Variants in RRP8 observed in about 807,000 individuals in gnomAD.
RRP8 encodes the protein ribosomal RNA processing 8, also known as ribosomal RNA-processing protein 8.
Under a neutral mutation model 45.0 loss-of-function variants are expected in RRP8, and 48 were observed. The ratio of observed to expected loss-of-function variants is 1.07; its 90% confidence interval spans 0.85 to 1.36. The LOEUF is 1.36. Ranked by LOEUF, RRP8 falls within the 40% of genes most tolerant of loss-of-function variation. The pLI, the probability that RRP8 is intolerant of heterozygous loss-of-function variation, is 0.00. For synonymous variants in RRP8, 274 were observed against 212.4 expected (o/e 1.29, Z -2.52); for missense variants, 658 against 573.7 (o/e 1.15, Z -1.50).
Position 6,603,554 on chromosome 11 carries a change from G to A in RRP8, c.-52C>T. 3 of 1,228,302 alleles carry A rather than the reference G, an allele frequency of 2.4e-6. No individual in the cohort carries two copies. The highest frequency in any genetic ancestry group is 2.3e-6 in the Non-Finnish European group (2 of 880,736). The allele number at this position is 1,228,302 out of a possible 1,614,324, so 76.1% of individuals were successfully genotyped here. On this transcript the variant is annotated 5_prime_UTR_variant, in exon 1 of 7. Transcript: ENST00000254605. ...GTCCCCGCTCTTCTCCACGTGCACA[G>A]CGCTCCTCTGGAAGTCGGAGCGCTC...
At position 6,601,256 on chromosome 11, in the gene RRP8, G is replaced by A. The variant is rs1854347147; in HGVS notation, c.810C>T (p.Phe270=). ...SGPSSAAQRL[F]QEDPEAFLLY... ...GAAGAAAAGCCTCAGGGTCTTCCTG[G>A]AAGAGACGCTGTGCAGCACTGCTGG... The change falls in exon 3 of 7, where the codon TTC becomes TTT. Residue 270 remains phenylalanine, a synonymous_variant. Coordinates refer to ENST00000254605, the MANE Select transcript of RRP8 (RefSeq NM_015324.4). 1.2e-6 allele frequency: 2 copies of A among 1,611,550 alleles called. No individual in the cohort carries two copies. Among genetic ancestry groups the A allele is most frequent in the Non-Finnish European group, 1.7e-6 (2 of 1,178,834 alleles).
Position 6,600,193 on chromosome 11 carries a change from G to A in RRP8, c.1324C>T (p.Gln442Ter), listed in dbSNP as rs1229517975. ...TGPPLVGPKA[Q>*]LSGLQLQPCL... Reference sequence around the variant, plus strand: ...GGCTGAAGCTGCAGGCCTGAAAGCTGAGCCTTGGGCCCTACCAGAGGGGGC... The same window carrying A: ...GGCTGAAGCTGCAGGCCTGAAAGCTAAGCCTTGGGCCCTACCAGAGGGGGC... The change falls in exon 7 of 7, where the codon CAG (glutamine) becomes TAG (stop). Residue 442 changes from glutamine (Q) to a stop codon, truncating the protein, a stop_gained. Coordinates refer to ENST00000254605, the MANE Select transcript of RRP8 (RefSeq NM_015324.4). LOFTEE classifies it high-confidence loss of function. 6.2e-7 allele frequency: 1 copy of A among 1,605,498 alleles called. No homozygotes were observed. The highest frequency in any genetic ancestry group is 1.1e-5 in the South Asian group (1 of 89,730).
In RRP8 at chr11:6,600,670, C is replaced by T. The variant is rs1009742968; in HGVS notation, c.1153G>A (p.Gly385Arg). 1.9e-6 allele frequency: 3 copies of T among 1,613,792 alleles called. No individual in the cohort carries two copies. Among genetic ancestry groups the T allele is most frequent in the African/African-American group, 2.7e-5 (2 of 74,922 alleles). The change falls in exon 5 of 7, where the codon GGG (glycine) becomes AGG (arginine). Residue 385 changes from glycine (G) to arginine (R), a missense_variant and splice_region_variant. Transcript: ENST00000254605. ...CATCTGTGTCCTGGGGGCTCTTACC[C>T]TGGCTTCAGTACTCTATTTGCCTCC... ...LEEANRVLKPGGLLKVAEVSS... is the reference protein window; with the variant it reads ...LEEANRVLKPRGLLKVAEVSS...
rs750208056 is a variant in RRP8, at chr11:6,601,017, T to C, written c.956A>G (p.Asp319Gly). ...CCGGATACTTGAAGCCAAGCGGCAA[T>C]CCCCACAGCCGAAGTCAGCCACCAC... is the stretch of plus-strand genomic sequence containing the variant. Reference protein sequence around the residue: ...SLVVADFGCGDCRLASSIRNP... With the variant: ...SLVVADFGCGGCRLASSIRNP... Residue 319 changes from aspartate to glycine, a missense_variant, in exon 4 of 7, where the codon GAT becomes GGT. Coordinates refer to ENST00000254605, the MANE Select transcript of RRP8 (RefSeq NM_015324.4). 6.2e-7 allele frequency: 1 copy of C among 1,614,042 alleles called. No homozygotes were observed. The highest frequency in any genetic ancestry group is 2.2e-5 in the East Asian group (1 of 44,872).
At position 6,603,421 on chromosome 11, in the gene RRP8, C is replaced by A; in HGVS notation, c.82G>T (p.Ala28Ser). 1.2e-6 allele frequency: 2 copies of A among 1,603,738 alleles called. No homozygotes were observed. Among genetic ancestry groups the A allele is most frequent in the East Asian group, 2.2e-5 (1 of 44,466 alleles). ...GPVISRPPPA[A>S]SSQNKGSKRR... ...TCACTCACCTTGTTTTGCGAGGAGG[C>A]CGCAGGCGGAGGTCGTGAGATTACG... Residue 28 changes from alanine to serine, a missense_variant, in exon 1 of 7, where the codon GCC becomes TCC. Ala to Ser is a moderately conservative substitution (Grantham distance 99). Coordinates refer to ENST00000254605, the MANE Select transcript of RRP8 (RefSeq NM_015324.4).
chr11:6,602,974 C>T (rs1284804770), intron 1 of RRP8, among the ~76,000 whole-genome samples: 2 of 152,226 alleles, frequency 1.3e-5, no homozygotes, highest in Non-Finnish European at 2.9e-5. Flanking sequence ...CTGTAACCGA[C>T]GACCCTTTCA....
chr11:6,602,214 C>T lies in RRP8; in HGVS notation c.101G>A (p.Gly34Asp), dbSNP rs142424203. Residue 34 changes from glycine (G) to aspartate (D), a missense_variant and splice_region_variant, in exon 2 of 7, where the codon GGC (glycine) becomes GAC (aspartate). By Grantham distance (94) the Gly-to-Asp change is moderately conservative. Coordinates refer to ENST00000254605, the MANE Select transcript of RRP8 (RefSeq NM_015324.4). ...GGCCAAGAGCTGGCGGCGCTTGGAGCCCTGGAGGAAAACAGGGGATGACAG... is the reference window on the plus strand; with the variant it reads ...GGCCAAGAGCTGGCGGCGCTTGGAGTCCTGGAGGAAAACAGGGGATGACAG... ...PPPAASSQNKGSKRRQLLATL... is the reference protein window; with the variant it reads ...PPPAASSQNKDSKRRQLLATL... The T allele has an allele frequency of 1.4e-5, 21 of 1,544,968 alleles. No homozygotes were observed. The highest frequency in any genetic ancestry group is 1.7e-5 in the Non-Finnish European group (20 of 1,150,874).
Position 6,600,540 on chromosome 11 carries a change from A to G in RRP8, c.1197T>C (p.Asp399=), listed in dbSNP as rs1399586854. The G allele has an allele frequency of 1.2e-6, 2 of 1,614,004 alleles. No homozygotes were observed. Among genetic ancestry groups the G allele is most frequent in the Non-Finnish European group, 8.5e-7 (1 of 1,180,044 alleles). Residue 399 remains aspartate, a synonymous_variant, in exon 6 of 7, where the codon GAT becomes GAC. Coordinates refer to ENST00000254605, the MANE Select transcript of RRP8 (RefSeq NM_015324.4). Reference sequence around the variant, plus strand: ...TCACAGCCCGCAGAAAGGTTCGAACATCCTCAAAGCGGCTGCTGACCTCAG... The same window carrying G: ...TCACAGCCCGCAGAAAGGTTCGAACGTCCTCAAAGCGGCTGCTGACCTCAG... ...KVAEVSSRFE[D]VRTFLRAVTK...
At position 6,603,414 on chromosome 11, in the gene RRP8, G is replaced by C. The variant is rs375875643; in HGVS notation, c.89C>G (p.Ser30Trp). ...VISRPPPAAS[S>W]QNKGSKRRQL... is the part of the protein sequence containing the mutation. ...CCGCGAGTCACTCACCTTGTTTTGC[G>C]AGGAGGCCGCAGGCGGAGGTCGTGA... The change falls in exon 1 of 7, where the codon TCG becomes TGG. Residue 30 changes from serine to tryptophan, a missense_variant. Ser to Trp is a radical substitution (Grantham distance 177). Coordinates refer to ENST00000254605, the MANE Select transcript of RRP8 (RefSeq NM_015324.4). The C allele has an allele frequency of 1.2e-6, 2 of 1,602,280 alleles. No homozygotes were observed. The highest frequency in any genetic ancestry group is 2.3e-5 in the East Asian group (1 of 44,402).
intron 4 of RRP8, 52 bp downstream of exon 4, chr11:6,600,874 T>C: frequency 1.2e-6 from 2 of 1,613,160 alleles, no homozygotes; most frequent in Non-Finnish European, 1.7e-6. Flanking sequence ...GGTTAGAGAT[T>C]AGCATACGGA....
intron 5 of RRP8, 43 bp downstream of exon 5, chr11:6,600,626 A>G: frequency 6.2e-7 from 1 of 1,608,678 alleles, no homozygotes; most frequent in Non-Finnish European, 8.5e-7. Context: ...AGACTCATGC[A>G]TGCACACATA....
rs1854263001 is a variant in RRP8 at position 6,598,008 on chromosome 11, C to T, written c.*2138G>A. On this transcript the variant is annotated 3_prime_UTR_variant, in exon 7 of 7. Transcript: ENST00000254605. The stretch of plus-strand genomic sequence containing the variant: ...TTCCTTTACCCATCCATGACATGCT[C>T]CTCAGTTCTATTCTGAGCCATTTTC... 6.6e-6 allele frequency: 1 copy of T among 152,286 alleles called. No homozygotes were observed. Among genetic ancestry groups the T allele is most frequent in the East Asian group, 1.9e-4 (1 of 5,202 alleles). The allele number at this position is 152,286 out of a possible 1,614,324, so 9.4% of individuals were successfully genotyped here. A position where few individuals can be genotyped will look rare whatever the true frequency, so the allele number is the denominator to read the frequency against.
chr11:6,601,274 A>G lies in RRP8; in HGVS notation c.792T>C (p.Ser264=), dbSNP rs1854348763. ...CTTCCTGGAAGAGACGCTGTGCAGC[A>G]CTGCTGGGCCCTGAGTACAACTGTT... ...LNEQLYSGPS[S]AAQRLFQEDP... The change falls in exon 3 of 7, where the codon AGT becomes AGC. Residue 264 remains serine, a synonymous_variant. Transcript: ENST00000254605. The G allele has an allele frequency of 1.2e-6, 2 of 1,612,606 alleles. No individual in the cohort carries two copies. Among genetic ancestry groups the G allele is most frequent in the Non-Finnish European group, 1.7e-6 (2 of 1,179,318 alleles).
chr11:6,600,448 T>G, intron 6 of RRP8, 38 bp downstream of exon 6: 82 of 1,585,866 alleles, frequency 5.2e-5, no homozygotes, highest in Non-Finnish European at 6.2e-5. Context: ...TAGGGCCACA[T>G]GAGACAAAAA....
rs767602446 is a variant in RRP8 at position 6,600,625 on chromosome 11, C to T, written c.1155-43G>A. ...TTCTGTGTAAGTGCACAGACTCATG[C>T]ATGCACACATACATACATGCATCTG... On this transcript the variant is annotated intron_variant, in intron 5 of 6. Coordinates refer to ENST00000254605, the MANE Select transcript of RRP8 (RefSeq NM_015324.4). 5 of 1,601,948 alleles carry T rather than the reference C, an allele frequency of 3.1e-6. No homozygotes were observed. The Admixed American group carries it at 8.3e-5, about 27-fold the overall frequency.
At chr11:6,602,882 C>T (rs1342135333) in intron 1 of RRP8, among the ~76,000 whole-genome samples, 3 of 152,186 alleles carry the variant, frequency 2.0e-5, no homozygotes, top group African/African-American at 4.8e-5. Flanking sequence ...AGGCCAGGCA[C>T]TTACCCTGAT....
At position 6,599,193 on chromosome 11, in the gene RRP8, A is replaced by G; in HGVS notation, c.*953T>C. 1 of 152,202 alleles carries G rather than the reference A, an allele frequency of 6.6e-6. No individual in the cohort carries two copies. 9.4% of individuals were successfully genotyped at this position (152,202 alleles called of 1,614,324 possible). ...TCCTTAGTCAACAAATCCATTCTTT[A>G]CCCCTCAGCCTCCAACCAGCCTAGG... On this transcript the variant is annotated 3_prime_UTR_variant, in exon 7 of 7. Transcript: ENST00000254605.
In RRP8 at chr11:6,603,532, C is replaced by A; in HGVS notation, c.-30G>T. On this transcript the variant is annotated 5_prime_UTR_variant, in exon 1 of 7. Coordinates refer to ENST00000254605, the MANE Select transcript of RRP8 (RefSeq NM_015324.4). ...GTCGGGAGGGCAGGGTCGCCGAGTC[C>A]CCGCTCTTCTCCACGTGCACAGCGC... is the stretch of plus-strand genomic sequence containing the variant. The A allele has an allele frequency of 7.1e-7, 1 of 1,417,984 alleles. No homozygotes were observed. Among genetic ancestry groups the A allele is most frequent in the Non-Finnish European group, 9.6e-7 (1 of 1,037,488 alleles). 87.8% of individuals were successfully genotyped at this position (1,417,984 alleles called of 1,614,324 possible). A position where few individuals can be genotyped will look rare whatever the true frequency, so the allele number is the denominator to read the frequency against.
chr11:6,602,844 C>T (rs1854460981), intron 1 of RRP8, among the ~76,000 whole-genome samples: 1 of 152,170 alleles, frequency 6.6e-6, no homozygotes. Flanking sequence ...AAGGCTGATT[C>T]TGTGTTGCAG....
Sources: gnomAD v4.1 joint callset for allele counts (sites outside exome capture counted in the v4.1 genomes callset) on GRCh38, gnomAD v4.1.1 for gene constraint, MANE v1.5 for transcripts, NCBI Gene and HGNC (gene_info 2026-07-23, HGNC 2026-07-21) for gene names.